LRRFIP1: variants seen among roughly 807,000 people sequenced by gnomAD.
The protein encoded by LRRFIP1 is leucine-rich repeat flightless-interacting protein 1.
A neutral mutation model predicts 104.4 loss-of-function variants in LRRFIP1; 62 were observed. That is an observed-to-expected ratio of 0.59 (90% confidence interval 0.48 to 0.73). LRRFIP1 has a LOEUF of 0.73. Ranked by LOEUF, LRRFIP1 falls within the 30% of genes least tolerant of loss-of-function variation. The pLI is 0.00. For missense variants in LRRFIP1, 796 were observed against 824.5 expected (o/e 0.97, Z 0.42); for synonymous variants, 300 against 299.0 (o/e 1.00, Z -0.03).
At chr2:237,729,916 G>A in intron 8 of LRRFIP1, 1 of 679,226 alleles carries the variant, frequency 1.5e-6, no homozygotes, top group Non-Finnish European at 1.8e-6. Context: ...TTGTGTGTGT[G>A]GATTCAGCTC....
intron 8 of LRRFIP1, among the ~76,000 whole-genome samples, chr2:237,728,954 G>T (rs185959951): frequency 6.6e-6 from 1 of 152,098 alleles, no homozygotes; most frequent in African/African-American, 2.4e-5. Flanking sequence ...ACAAAGTCTC[G>T]TGCCCTCACC....
intron 17 of LRRFIP1, 134 bp from the exon 18 acceptor site, chr2:237,758,595 A>G (rs2059542506): frequency 3.3e-6 from 2 of 614,210 alleles, no homozygotes; most frequent in South Asian, 2.2e-5. Flanking sequence ...TAGTATCTTT[A>G]GGCAGAGTCT....
At chr2:237,744,669 A>G (rs964966200) in intron 11 of LRRFIP1, among the ~76,000 whole-genome samples, 6 of 152,264 alleles carry the variant, frequency 3.9e-5, no homozygotes, top group Non-Finnish European at 7.3e-5. Flanking sequence ...ATTTTCAATG[A>G]TGTCTGTATA....
chr2:237,657,459 A>G (rs1392393481), intron 1 of LRRFIP1, among the ~76,000 whole-genome samples: 1 of 152,204 alleles, frequency 6.6e-6, no homozygotes, highest in Non-Finnish European at 1.5e-5. Flanking sequence ...TCAGATGGCC[A>G]TGATAAAGAG....
chr2:237,740,555 C>T (rs1393403310), intron 11 of LRRFIP1, among the ~76,000 whole-genome samples: 4 of 152,166 alleles, frequency 2.6e-5, no homozygotes, highest in Non-Finnish European at 2.9e-5. Context: ...ACCAAGAAGT[C>T]GCAGCGCTGA....
At chr2:237,770,887 C>T (rs2060560140) in intron 20 of LRRFIP1, 1 of 152,194 alleles carries the variant, frequency 6.6e-6, no homozygotes, top group Admixed American at 6.5e-5. Context: ...TCTAATTTCT[C>T]CTCATAAGCC....
chr2:237,734,790 C>G (rs545101459), intron 9 of LRRFIP1, among the ~76,000 whole-genome samples: 2 of 152,292 alleles, frequency 1.3e-5, no homozygotes, highest in Non-Finnish European at 2.9e-5. Context: ...TAACCAATTA[C>G]TCTTTCTTCT....
chr2:237,706,534 G>T (rs2093818890), intron 1 of LRRFIP1, among the ~76,000 whole-genome samples: 1 of 152,178 alleles, frequency 6.6e-6, no homozygotes, highest in African/African-American at 2.4e-5. Context: ...GCGTGGCCTT[G>T]GTCACTTTGC....
chr2:237,651,394 C>T (rs1310779284), intron 1 of LRRFIP1, among the ~76,000 whole-genome samples: 1 of 152,208 alleles, frequency 6.6e-6, no homozygotes, highest in Non-Finnish European at 1.5e-5. Flanking sequence ...ATATCTAAAA[C>T]ATAATAAACT....
intron 11 of LRRFIP1, among the ~76,000 whole-genome samples, chr2:237,743,816 A>G (rs917596995): frequency 6.1e-4 from 93 of 152,248 alleles, no homozygotes; most frequent in African/African-American, 2.2e-3. Context: ...TGACGGCCAG[A>G]GCTTGGGCCA....
chr2:237,764,253 C>A, intron 19 of LRRFIP1: 1 of 1,603,132 alleles, frequency 6.2e-7, no homozygotes, highest in Non-Finnish European at 8.5e-7. Flanking sequence ...CACTGTATGA[C>A]AATTACCAGG....
At chr2:237,647,953 C>T (rs1324061711) in intron 1 of LRRFIP1, among the ~76,000 whole-genome samples, 4 of 152,046 alleles carry the variant, frequency 2.6e-5, no homozygotes, top group Admixed American at 6.6e-5. Flanking sequence ...ACCACATCTG[C>T]GTGTGAATTT....
At chr2:237,762,511 G>T in intron 19 of LRRFIP1, 1 of 960,550 alleles carries the variant, frequency 1.0e-6, no homozygotes, top group Non-Finnish European at 1.5e-6. Flanking sequence ...GAATAGGGGT[G>T]GGTGGGATTT....
intron 1 of LRRFIP1, among the ~76,000 whole-genome samples, chr2:237,681,597 C>A (rs1394503467): frequency 2.0e-5 from 3 of 151,610 alleles, no homozygotes; most frequent in East Asian, 1.9e-4. Context: ...GAACTAGTGA[C>A]CGCAGGTGAT....
chr2:237,665,445 C>T (rs2089023284), intron 1 of LRRFIP1, among the ~76,000 whole-genome samples: 1 of 152,330 alleles, frequency 6.6e-6, no homozygotes, highest in East Asian at 1.9e-4. Context: ...ATCCACTCTT[C>T]ACGTAAGAAT....
At position 237,692,267 on chromosome 2, in the gene LRRFIP1, C is replaced by T. The variant is rs535772992; in HGVS notation, c.97-16277C>T. ...CTGCGCCCCGCCCCTGTCGGCCGCG[C>T]CCGAGCCCAGCGCCGCGAGCCGCTC... On this transcript the variant is annotated intron_variant, in intron 1 of 23. Coordinates refer to ENST00000308482, the MANE Select transcript of LRRFIP1 (RefSeq NM_001137550.2). 1.6e-5 allele frequency: 19 copies of T among 1,160,292 alleles called. No homozygotes were observed. In the South Asian group the frequency reaches 7.0e-4, roughly 43 times the overall value. The allele number at this position is 1,160,292 out of a possible 1,614,324, so 71.9% of individuals were successfully genotyped here.
At chr2:237,759,997 G>T in intron 18 of LRRFIP1, 67 bp from the exon 19 acceptor site, 2 of 1,458,762 alleles carry the variant, frequency 1.4e-6, no homozygotes, top group Non-Finnish European at 9.5e-7. Context: ...TTTTATTATT[G>T]TATTAAAACA....
intron 23 of LRRFIP1, among the ~76,000 whole-genome samples, chr2:237,776,630 T>G (rs1462578211): frequency 2.0e-5 from 3 of 152,238 alleles, no homozygotes; most frequent in African/African-American, 7.2e-5. Flanking sequence ...ATCTTCTTGA[T>G]GAGTTAAACC....
Position 237,639,751 on chromosome 2 carries a change from G to A in LRRFIP1, c.96+12011G>A, listed in dbSNP as rs183238067. Among the ~76,000 whole-genome samples the A allele has an allele frequency of 9.2e-5, 14 of 152,130 alleles. No homozygotes were observed. In the East Asian group the frequency reaches 2.7e-3, roughly 29 times the overall value. On this transcript the variant is annotated intron_variant, in intron 1 of 23. Coordinates refer to ENST00000308482, the MANE Select transcript of LRRFIP1 (RefSeq NM_001137550.2). ...ACATCTGAAGTTTTTTCTTTCTTTT[G>A]TCTTGTGTTAGGGTTTCTCAATCTG... is the stretch of plus-strand genomic sequence containing the variant.
Sources: allele counts gnomAD v4.1 joint callset (sites outside exome capture counted in the v4.1 genomes callset), GRCh38; gene constraint gnomAD v4.1.1; transcripts MANE v1.5; gene names NCBI Gene and HGNC (gene_info 2026-07-23, HGNC 2026-07-21).